DAB1: variants seen among roughly 807,000 people sequenced by gnomAD.
The protein encoded by DAB1 is disabled homolog 1.
In DAB1, 15 loss-of-function variants were observed where a neutral mutation model predicts 64.6. That is an observed-to-expected ratio of 0.23 (90% CI 0.16 to 0.36). The LOEUF (loss-of-function observed/expected upper bound fraction) is 0.36. DAB1 is among the 10% of genes least tolerant of loss of function. The pLI is 1.00. For synonymous variants in DAB1, 235 were observed against 251.9 expected, an observed-to-expected ratio of 0.93 and a Z score of 0.64; for missense variants, 596 against 706.7, an observed-to-expected ratio of 0.84 and a Z score of 1.78.
intron 6 of DAB1, among the ~76,000 whole-genome samples, chr1:57,769,975 C>A (rs1211517037): frequency 6.6e-6 from 1 of 152,108 alleles, no homozygotes; most frequent in Admixed American, 6.6e-5. Flanking sequence ...ATAGTCACTG[C>A]TCTACAGTCA....
At chr1:58,184,285 A>G (rs1321011707) in intron 4 of DAB1, among the ~76,000 whole-genome samples, 1 of 148,492 alleles carries the variant, frequency 6.7e-6, no homozygotes, top group African/African-American at 2.4e-5. Context: ...TATATAACAT[A>G]TGATATATAA....
intron 4 of DAB1, among the ~76,000 whole-genome samples, chr1:58,334,940 T>C (rs1013311932): frequency 3.3e-5 from 5 of 152,136 alleles, no homozygotes; most frequent in African/African-American, 1.2e-4. Context: ...GGGAATAGAA[T>C]GATGAAGAAA....
chr1:58,247,813 G>A (rs565745208), intron 4 of DAB1, among the ~76,000 whole-genome samples: 174 of 82,992 alleles, frequency 2.1e-3, no homozygotes, highest in African/African-American at 8.0e-3. Flanking sequence ...CTCCCACCGA[G>A]TTCTCTGTCT....
chr1:57,621,273 T>TGTGCGC (rs146431425), intron 7 of DAB1, among the ~76,000 whole-genome samples: 1 of 148,834 alleles, frequency 6.7e-6, no homozygotes, highest in Non-Finnish European at 1.5e-5. Context: ...TGTGTGTGTG[T>TGTGCGC]GTGTGCGTGT....
At chr1:58,240,221 T>A (rs1425446759) in intron 4 of DAB1, among the ~76,000 whole-genome samples, 1 of 152,208 alleles carries the variant, frequency 6.6e-6, no homozygotes, top group African/African-American at 2.4e-5. Context: ...TTCCTTAGTC[T>A]CCCTTCTGTT....
intron 3 of DAB1, among the ~76,000 whole-genome samples, chr1:58,469,467 C>T (rs1040947230): frequency 6.6e-6 from 1 of 152,056 alleles, no homozygotes; most frequent in African/African-American, 2.4e-5. Flanking sequence ...GAAATCTTTT[C>T]TTAGATGTAG....
intron 3 of DAB1, among the ~76,000 whole-genome samples, chr1:58,346,091 T>C (rs11207199): frequency 0.37 from 56,640 of 152,106 alleles, 10,831 homozygotes; most frequent in East Asian, 0.52. Flanking sequence ...TTGCACTTAC[T>C]AGGTGAAACG....
At chr1:57,245,123 G>A (rs890668661) in intron 2 of DAB1, among the ~76,000 whole-genome samples, 1 of 152,232 alleles carries the variant, frequency 6.6e-6, no homozygotes, top group Non-Finnish European at 1.5e-5. Context: ...AGTCCAGGCT[G>A]AGGTGGTCTC....
intron 7 of DAB1, among the ~76,000 whole-genome samples, chr1:57,600,042 T>G: frequency 6.6e-6 from 1 of 152,176 alleles, no homozygotes; most frequent in East Asian, 1.9e-4. Flanking sequence ...GTCTCACATT[T>G]GATACCTTCT....
At chr1:57,079,583 C>T (rs1035704984) in intron 4 of DAB1, among the ~76,000 whole-genome samples, 7 of 152,168 alleles carry the variant, frequency 4.6e-5, no homozygotes, top group Non-Finnish European at 7.4e-5. Flanking sequence ...CTTCCCATGG[C>T]TCTTAGGATA....
chr1:58,188,807 T>C (rs1258845271), intron 4 of DAB1, among the ~76,000 whole-genome samples: 1 of 152,186 alleles, frequency 6.6e-6, no homozygotes, highest in East Asian at 1.9e-4. Flanking sequence ...ATGCTTTGTT[T>C]TTCTCTGTTT....
chr1:57,797,431 C>T (rs992335847), intron 6 of DAB1, among the ~76,000 whole-genome samples: 4 of 151,562 alleles, frequency 2.6e-5, no homozygotes, highest in African/African-American at 9.7e-5. Flanking sequence ...TAATACTTCC[C>T]GTCTTTCTCT....
At chr1:58,058,874 A>G (rs1256828243) in intron 5 of DAB1, among the ~76,000 whole-genome samples, 1 of 152,212 alleles carries the variant, frequency 6.6e-6, no homozygotes, top group East Asian at 1.9e-4. Flanking sequence ...TAAGTGCCAG[A>G]CTTTCTGCTA....
chr1:57,584,606 C>T (rs923485253), intron 7 of DAB1, among the ~76,000 whole-genome samples: 2 of 152,154 alleles, frequency 1.3e-5, no homozygotes, highest in African/African-American at 4.8e-5. Context: ...TGAACAGGCA[C>T]TAGGGAAACA....
chr1:58,541,793 T>C lies in DAB1; in HGVS notation n.32+4910A>G, dbSNP rs545850185. Among the ~76,000 whole-genome samples the C allele has an allele frequency of 1.1e-4, 16 of 152,264 alleles. No homozygotes were observed. In the South Asian group the frequency reaches 3.3e-3, roughly 32 times the overall value. On this transcript the variant is annotated intron_variant and non_coding_transcript_variant, in intron 1 of 20. Coordinates refer to the DAB1 transcript ENST00000485760. The stretch of plus-strand genomic sequence containing the variant: ...AGATACTTGCTGAAGGATCTGTTCA[T>C]GATAAATAAAACTCACTTTCAAATT...
At chr1:58,529,848 G>C (rs531072425) in intron 1 of DAB1, among the ~76,000 whole-genome samples, 13 of 152,006 alleles carry the variant, frequency 8.6e-5, no homozygotes, top group Non-Finnish European at 1.9e-4. Context: ...GAGAGGATGT[G>C]CATAGTTACA....
chr1:57,798,038 T>C (rs1650951801), intron 6 of DAB1, among the ~76,000 whole-genome samples: 1 of 152,202 alleles, frequency 6.6e-6, no homozygotes, highest in Admixed American at 6.5e-5. Context: ...GAGGTACTGT[T>C]ATTAGTATTT....
chr1:57,405,923 A>G (rs1683599965), intron 1 of DAB1, among the ~76,000 whole-genome samples: 1 of 152,234 alleles, frequency 6.6e-6, no homozygotes, highest in Non-Finnish European at 1.5e-5. Context: ...AGGCTATTTC[A>G]CATCCATGTG....
intron 4 of DAB1, among the ~76,000 whole-genome samples, chr1:57,130,648 GC>G (rs1016662620): frequency 4.1e-5 from 6 of 146,604 alleles, no homozygotes; most frequent in African/African-American, 1.5e-4. Flanking sequence ...AGTGAAATAA[GC>G]CAGGAACAGA....
Sources: gnomAD v4.1 joint callset for allele counts (sites outside exome capture counted in the v4.1 genomes callset) on GRCh38, gnomAD v4.1.1 for gene constraint, MANE v1.5 for transcripts, NCBI Gene and HGNC (gene_info 2026-07-23, HGNC 2026-07-21) for gene names.